The following VTI1B variants were observed in gnomAD, a reference collection of about 807,000 sequenced individuals.
VTI1B encodes vesicle transport through interaction with t-SNAREs homolog 1B.
A neutral mutation model predicts 28.6 loss-of-function variants in VTI1B; 18 were observed. That is an observed-to-expected ratio of 0.63 (90% CI 0.43 to 0.93). VTI1B has a LOEUF of 0.93. Among genes scored for constraint, VTI1B ranks in the 40% least tolerant of loss-of-function variants. The probability of loss-of-function intolerance (pLI) is 0.00; values close to 1 mark genes in which losing one functional copy is unlikely to be tolerated. For missense variants in VTI1B, 283 were observed against 297.0 expected, an observed-to-expected ratio of 0.95 and a Z score of 0.35; for synonymous variants, 100 against 107.9, an observed-to-expected ratio of 0.93 and a Z score of 0.46.
At chr14:67,651,862 C>G (rs1443309962) in intron 5 of VTI1B, 1 of 173,282 alleles carries the variant, frequency 5.8e-6, no homozygotes, top group Non-Finnish European at 1.2e-5. Flanking sequence ...TAATACCTTT[C>G]AATCCCTTGT....
intron 5 of VTI1B, chr14:67,651,728 C>CA (rs907917923): frequency 7.9e-5 from 27 of 342,666 alleles, no homozygotes; most frequent in Non-Finnish European, 1.3e-4. Context: ...AAATGTTGTT[C>CA]AAATAGTAGT....
chr14:67,659,950 T>G, intron 2 of VTI1B, 28 bp from the exon 3 acceptor site: 1 of 1,601,850 alleles, frequency 6.2e-7, no homozygotes. Flanking sequence ...AGTGAGCAGA[T>G]AGCCTGGTTC....
intron 4 of VTI1B, 91 bp from the exon 5 acceptor site, chr14:67,653,589 T>C (rs1386405251): frequency 5.2e-6 from 6 of 1,156,716 alleles, no homozygotes; most frequent in African/African-American, 4.7e-5. Flanking sequence ...CATTAAGGGA[T>C]ATATGTTGAA....
rs191907314 is a variant in VTI1B at position 67,653,453 on chromosome 14, G to A, written c.586C>T (p.Arg196Cys). The change falls in exon 5 of 6, where the codon CGT becomes TGT. Residue 196 changes from arginine (R) to cysteine (C), a missense_variant. Arg to Cys is a radical substitution (Grantham distance 180, BLOSUM62 -3). Coordinates refer to ENST00000554659, the MANE Select transcript of VTI1B (RefSeq NM_006370.3). ...AAAACTTACTTTCTGGACATTGAAC[G>A]GAGAATCTTCCGACTTTTGCTCAAG... ...ENLSKSRKIL[R>C]SMSRKVTTNK... 6.1e-5 allele frequency: 99 copies of A among 1,613,896 alleles called. No individual in the cohort carries two copies. Among genetic ancestry groups the A allele is most frequent in the Middle Eastern group, 1.7e-4 (1 of 6,046 alleles).
At chr14:67,668,518 A>C (rs1003979168) in intron 1 of VTI1B, among the ~76,000 whole-genome samples, 1 of 152,236 alleles carries the variant, frequency 6.6e-6, no homozygotes, top group Non-Finnish European at 1.5e-5. Flanking sequence ...AAAGTAATGA[A>C]AATGTGGACA....
At chr14:67,657,559 A>G (rs1049846686) in intron 3 of VTI1B, among the ~76,000 whole-genome samples, 9 of 151,972 alleles carry the variant, frequency 5.9e-5, no homozygotes, top group African/African-American at 1.9e-4. Flanking sequence ...AAACGGAGGC[A>G]GCTCCAAGTT....
chr14:67,657,598 GCACACA>G (rs544102029), intron 3 of VTI1B, among the ~76,000 whole-genome samples: 4,541 of 112,398 alleles, frequency 0.04, 114 homozygotes, highest in Admixed American at 0.11. Flanking sequence ...GCGCGCGCGT[GCACACA>G]CACACACACA....
chr14:67,672,475 T>C (rs2037479680), intron 1 of VTI1B, among the ~76,000 whole-genome samples: 1 of 144,460 alleles, frequency 6.9e-6, no homozygotes, highest in Non-Finnish European at 1.5e-5. Context: ...ATACAGAGTC[T>C]TGATCTGTTG....
chr14:67,671,323 T>TA (rs1199734733), intron 1 of VTI1B, among the ~76,000 whole-genome samples: 1 of 151,980 alleles, frequency 6.6e-6, no homozygotes, highest in Non-Finnish European at 1.5e-5. Context: ...GTCAGGAGTT[T>TA]GAGACCAGCC....
At chr14:67,663,270 A>G in intron 1 of VTI1B, 1 of 1,032,020 alleles carries the variant, frequency 9.7e-7, no homozygotes, top group Non-Finnish European at 1.4e-6. Flanking sequence ...GTATTTTCTG[A>G]TAGTTTATAC....
In VTI1B at chr14:67,659,819, CG is replaced by C. The variant is rs2037313269; in HGVS notation, c.277del (p.Arg93GlyfsTer3). Reference sequence around the variant, plus strand: ...TGTCAAAGGTGTGCTTCTCACCTCCCGATGGAGTTTAGCAAGGTCCTTCCGG... The same window carrying C: ...TGTCAAAGGTGTGCTTCTCACCTCCCATGGAGTTTAGCAAGGTCCTTCCGG... ...NYRKDLAKLH[R>X]EVRSTPLTAT... On this transcript the variant is annotated frameshift_variant, in exon 3 of 6. Coordinates refer to ENST00000554659, the MANE Select transcript of VTI1B (RefSeq NM_006370.3). LOFTEE classifies it high-confidence loss of function. The C allele has an allele frequency of 6.2e-7, 1 of 1,614,034 alleles. No individual in the cohort carries two copies. Among genetic ancestry groups the C allele is most frequent in the Admixed American group, 1.7e-5 (1 of 59,986 alleles).
Position 67,650,330 on chromosome 14 carries a change from C to T in VTI1B, c.*1055G>A. The T allele has an allele frequency of 4.1e-6, 1 of 246,462 alleles. No homozygotes were observed. The highest frequency in any genetic ancestry group is 7.9e-6 in the Non-Finnish European group (1 of 126,266). The allele number at this position is 246,462 out of a possible 1,614,324, so 15.3% of individuals were successfully genotyped here. On this transcript the variant is annotated 3_prime_UTR_variant, in exon 6 of 6. Transcript: ENST00000554659. ...TCTGCCTTCATACTTGATTCATTTC[C>T]AGGCAGGCATCTGGAAGGTTCCTAG...
At position 67,649,463 on chromosome 14, in the gene VTI1B, G is replaced by A. The variant is rs775526901; in HGVS notation, c.*1922C>T. ...TAATGCTGTCAACTAGATACATAAA[G>A]CAGTTTGCTTAATTTATAGGGTGGC... On this transcript the variant is annotated 3_prime_UTR_variant, in exon 6 of 6. Coordinates refer to ENST00000554659, the MANE Select transcript of VTI1B (RefSeq NM_006370.3). The A allele has an allele frequency of 6.6e-5, 10 of 152,092 alleles. No homozygotes were observed. The highest frequency in any genetic ancestry group is 1.5e-4 in the Non-Finnish European group (10 of 68,036). 9.4% of individuals were successfully genotyped at this position (152,092 alleles called of 1,614,324 possible). A position where few individuals can be genotyped will look rare whatever the true frequency, so the allele number is the denominator to read the frequency against.
intron 5 of VTI1B, among the ~76,000 whole-genome samples, chr14:67,652,114 C>T (rs962097934): frequency 4.6e-5 from 7 of 152,192 alleles, no homozygotes; most frequent in African/African-American, 1.7e-4. Flanking sequence ...CATGCTAGGC[C>T]ACCTGTGCCC....
rs2140789347 is a variant in VTI1B, at chr14:67,649,627, T to C, written c.*1758A>G. On this transcript the variant is annotated 3_prime_UTR_variant, in exon 6 of 6. Transcript: ENST00000554659. The stretch of plus-strand genomic sequence containing the variant: ...GGAACACAGGTCCATGTGCAGGAAA[T>C]GATGGAAATGCTACAGTAATACACC... 1 of 152,114 alleles carries C rather than the reference T, an allele frequency of 6.6e-6. No individual in the cohort carries two copies. The highest frequency in any genetic ancestry group is 3.4e-3 in the Middle Eastern group (1 of 294). The allele number at this position is 152,114 out of a possible 1,614,324, so 9.4% of individuals were successfully genotyped here.
intron 1 of VTI1B, among the ~76,000 whole-genome samples, chr14:67,665,259 C>T (rs77104241): frequency 3.2e-5 from 4 of 126,546 alleles, no homozygotes; most frequent in Admixed American, 8.3e-5. Context: ...TCAGTTATAT[C>T]TTTTTTTTTT....
In VTI1B at chr14:67,651,297, G is replaced by C. The variant is rs553543892; in HGVS notation, c.*88C>G. 3.5e-4 allele frequency: 567 copies of C among 1,604,174 alleles called. 2 individuals carry two copies. The highest frequency in any genetic ancestry group is 2.6e-3 in the Middle Eastern group (14 of 5,462). On this transcript the variant is annotated 3_prime_UTR_variant, in exon 6 of 6. Coordinates refer to ENST00000554659, the MANE Select transcript of VTI1B (RefSeq NM_006370.3). ...TGCATCCTTGAACTGTCAGCCCACA[G>C]CAGCAATATGCTTATTCTATCCACA... is the stretch of plus-strand genomic sequence containing the variant.
At chr14:67,664,276 A>T (rs1251194081) in intron 1 of VTI1B, among the ~76,000 whole-genome samples, 1 of 152,116 alleles carries the variant, frequency 6.6e-6, no homozygotes, top group African/African-American at 2.4e-5. Context: ...GAAATTCCGT[A>T]CCCATCAAAT....
intron 1 of VTI1B, among the ~76,000 whole-genome samples, chr14:67,672,065 C>T (rs1321202637): frequency 2.6e-5 from 4 of 151,928 alleles, no homozygotes; most frequent in South Asian, 2.1e-4. Flanking sequence ...ATTATTTAGA[C>T]TTATAGAAAT....
Sources: allele counts gnomAD v4.1 joint callset (sites outside exome capture counted in the v4.1 genomes callset), GRCh38; gene constraint gnomAD v4.1.1; transcripts MANE v1.5; gene names NCBI Gene and HGNC (gene_info 2026-07-23, HGNC 2026-07-21).